Variants in R3HDM1 observed in about 807,000 individuals in gnomAD.
R3HDM1 encodes R3H domain-containing protein 1.
In R3HDM1, 46 loss-of-function variants were observed where a neutral mutation model predicts 141.1. The ratio of observed to expected loss-of-function variants is 0.33; its 90% CI spans 0.26 to 0.42. The LOEUF is 0.42. R3HDM1 is among the 10% of genes least tolerant of loss of function. The pLI is 1.00. For missense variants in R3HDM1, 1,184 were observed against 1,368.3 expected (o/e 0.87, Z 2.12); for synonymous variants, 435 against 472.9 (o/e 0.92, Z 1.04).
chr2:135,665,412 G>A (rs1258427834), intron 19 of R3HDM1: 2 of 531,988 alleles, frequency 3.8e-6, no homozygotes, highest in Non-Finnish European at 7.7e-6. Context: ...TGTTGGATTC[G>A]GGGCCGTAGC....
chr2:135,601,964 C>CTTT (rs755867675), intron 1 of R3HDM1, among the ~76,000 whole-genome samples: 5 of 108,014 alleles, frequency 4.6e-5, no homozygotes, highest in African/African-American at 1.0e-4. Flanking sequence ...ACCCAGCCAA[C>CTTT]TTTTTTTTTT....
At chr2:135,663,625 G>T (rs2067051155) in intron 19 of R3HDM1, among the ~76,000 whole-genome samples, 2 of 152,162 alleles carry the variant, frequency 1.3e-5, no homozygotes, top group Admixed American at 1.3e-4. Context: ...TGTTGTGTTG[G>T]TAATTGTATT....
intron 1 of R3HDM1, among the ~76,000 whole-genome samples, chr2:135,560,298 A>G (rs1701558152): frequency 6.6e-6 from 1 of 152,172 alleles, no homozygotes; most frequent in Non-Finnish European, 1.5e-5. Context: ...TCAAACATGA[A>G]GCATTTTTAC....
chr2:135,538,716 C>T lies in R3HDM1; in HGVS notation c.-250+7083C>T, dbSNP rs183743988. 4.4e-4 allele frequency among the ~76,000 whole-genome samples: 67 copies of T among 152,244 alleles called. 1 individual carries two copies. The East Asian group carries it at 0.011, about 26-fold the overall frequency. ...GCAACCTCCGCCTCCTGGATTCAAG[C>T]GATTCTTCTGCCTCAGCCTCCCAAG... On this transcript the variant is annotated intron_variant, in intron 1 of 26. Transcript: ENST00000683871.
At chr2:135,644,041 A>G (rs2064103920) in intron 15 of R3HDM1, among the ~76,000 whole-genome samples, 1 of 152,228 alleles carries the variant, frequency 6.6e-6, no homozygotes, top group South Asian at 2.1e-4. Context: ...ATAAACCACC[A>G]TAACACAAGT....
intron 1 of R3HDM1, among the ~76,000 whole-genome samples, chr2:135,533,748 G>C (rs985684402): frequency 6.6e-6 from 1 of 152,102 alleles, no homozygotes; most frequent in African/African-American, 2.4e-5. Context: ...TCATGGTGGC[G>C]GGCACCTGTA....
intron 2 of R3HDM1, among the ~76,000 whole-genome samples, chr2:135,604,464 A>G (rs185010167): frequency 6.6e-6 from 1 of 152,210 alleles, no homozygotes; most frequent in Non-Finnish European, 1.5e-5. Flanking sequence ...ATGTAAAAAA[A>G]ACACACTTAT....
intron 6 of R3HDM1, chr2:135,622,400 G>A (rs759707860): frequency 2.8e-5 from 28 of 984,162 alleles, no homozygotes; most frequent in Non-Finnish European, 3.3e-5. Flanking sequence ...AAATTAAACA[G>A]ACACATGTGA....
At chr2:135,566,661 C>A (rs951540301) in intron 1 of R3HDM1, 1 of 806,134 alleles carries the variant, frequency 1.2e-6, no homozygotes, top group African/African-American at 1.9e-5. Flanking sequence ...CATGAAAATC[C>A]AAACTATTAA....
chr2:135,618,219 A>G (rs561348340), intron 5 of R3HDM1, among the ~76,000 whole-genome samples: 4 of 149,696 alleles, frequency 2.7e-5, no homozygotes, highest in African/African-American at 9.8e-5. Flanking sequence ...GCTGGAGTGC[A>G]ATGGTGTGAT....
intron 5 of R3HDM1, chr2:135,620,270 T>C (rs977255407): frequency 9.6e-6 from 9 of 939,268 alleles, no homozygotes; most frequent in Non-Finnish European, 8.9e-6. Context: ...CAAGAAAACT[T>C]CTAAATATTA....
intron 17 of R3HDM1, chr2:135,651,341 C>T (rs2065126011): frequency 2.0e-6 from 2 of 983,920 alleles, no homozygotes; most frequent in East Asian, 1.1e-4. Context: ...TAGTACCTTG[C>T]TCATTGCTTG....
chr2:135,693,395 T>C (rs1353984280), intron 21 of R3HDM1, among the ~76,000 whole-genome samples: 1 of 150,484 alleles, frequency 6.6e-6, no homozygotes, highest in Admixed American at 6.6e-5. Flanking sequence ...TGGTCACAAA[T>C]GAAGACCAAC....
Position 135,702,599 on chromosome 2 carries a change from G to A in R3HDM1, c.2460-6834G>A, listed in dbSNP as rs997618436. ...AGGAGGGCAGAGCTTGCAGTAAGCCGAGGTCATGACACTGCACTCCAGCCT... is the reference window on the plus strand; with the variant it reads ...AGGAGGGCAGAGCTTGCAGTAAGCCAAGGTCATGACACTGCACTCCAGCCT... On this transcript the variant is annotated intron_variant, in intron 21 of 26. Coordinates refer to ENST00000683871, the MANE Select transcript of R3HDM1 (RefSeq NM_001378107.1). Among the ~76,000 whole-genome samples, 14 of 148,448 alleles carry A rather than the reference G, an allele frequency of 9.4e-5. No individual in the cohort carries two copies. The South Asian group carries it at 1.3e-3, about 14-fold the overall frequency.
At chr2:135,680,385 G>C (rs945985266) in intron 21 of R3HDM1, 61 bp downstream of exon 21, 6 of 1,571,942 alleles carry the variant, frequency 3.8e-6, no homozygotes, top group Non-Finnish European at 5.2e-6. Context: ...ATTATGGTCT[G>C]TTGCTAGTTT....
intron 15 of R3HDM1, among the ~76,000 whole-genome samples, chr2:135,643,430 T>C (rs868160220): frequency 6.6e-6 from 1 of 150,760 alleles, no homozygotes; most frequent in African/African-American, 2.4e-5. Flanking sequence ...AAAAAAAAAA[T>C]GGAAAGGGAT....
At chr2:135,556,224 G>C (rs1160034827) in intron 1 of R3HDM1, among the ~76,000 whole-genome samples, 1 of 152,094 alleles carries the variant, frequency 6.6e-6, no homozygotes, top group African/African-American at 2.4e-5. Flanking sequence ...AGAATGGAGG[G>C]GATTAGCAGG....
Position 135,661,494 on chromosome 2 carries a change from C to A in R3HDM1, c.2152+101C>A, listed in dbSNP as rs955408950. The stretch of plus-strand genomic sequence containing the variant: ...TAGTACCTACTCAGTCTCTCAGGAT[C>A]TCGAATATGTTCATACATATGAGTT... On this transcript the variant is annotated intron_variant, in intron 19 of 26. Coordinates refer to ENST00000683871, the MANE Select transcript of R3HDM1 (RefSeq NM_001378107.1). 7.8e-6 allele frequency: 11 copies of A among 1,411,750 alleles called. No individual in the cohort carries two copies. The African/African-American group carries it at 1.3e-4, about 16-fold the overall frequency. 87.5% of individuals were successfully genotyped at this position (1,411,750 alleles called of 1,614,324 possible). A position where few individuals can be genotyped will look rare whatever the true frequency, so the allele number is the denominator to read the frequency against.
chr2:135,590,456 A>G (rs1709004816), intron 1 of R3HDM1: 3 of 748,698 alleles, frequency 4.0e-6, no homozygotes, highest in Non-Finnish European at 3.3e-6. Context: ...AGACAATTGT[A>G]AAGAAACCCA....
Sources: allele counts gnomAD v4.1 joint callset (sites outside exome capture counted in the v4.1 genomes callset), GRCh38; gene constraint gnomAD v4.1.1; transcripts MANE v1.5; gene names NCBI Gene and HGNC (gene_info 2026-07-23, HGNC 2026-07-21).